Variants in RERG observed in about 807,000 individuals in gnomAD.
RERG encodes ras-related and estrogen-regulated growth inhibitor.
A neutral mutation model predicts 23.2 loss-of-function variants in RERG; 25 were observed. The observed-to-expected ratio is 1.08, with a 90% CI of 0.79 to 1.50. The LOEUF (loss-of-function observed/expected upper bound fraction) is 1.50. Ranked by LOEUF, RERG falls within the 40% of genes most tolerant of loss-of-function variation. The pLI is 0.00. For missense variants in RERG, 253 were observed against 250.1 expected (o/e 1.01, Z -0.08); for synonymous variants, 81 against 89.1 (o/e 0.91, Z 0.51).
chr12:15,190,833 T>A (rs1865060598), intron 2 of RERG, among the ~76,000 whole-genome samples: 1 of 152,164 alleles, frequency 6.6e-6, no homozygotes. Flanking sequence ...TCAGAAGTCC[T>A]TTGCTCAGCA....
intron 2 of RERG, among the ~76,000 whole-genome samples, chr12:15,149,967 C>T (rs1365410292): frequency 6.6e-6 from 1 of 152,144 alleles, no homozygotes; most frequent in Non-Finnish European, 1.5e-5. Context: ...GAGTTACAAC[C>T]CACTGAGATG....
intron 2 of RERG, among the ~76,000 whole-genome samples, chr12:15,152,621 A>G (rs1250571158): frequency 1.3e-5 from 2 of 152,214 alleles, no homozygotes; most frequent in Non-Finnish European, 2.9e-5. Flanking sequence ...AAACTGGACA[A>G]GGATAACTTG....
intron 2 of RERG, among the ~76,000 whole-genome samples, chr12:15,151,577 T>A (rs904496917): frequency 6.6e-6 from 1 of 152,162 alleles, no homozygotes; most frequent in African/African-American, 2.4e-5. Context: ...ACACTATTCA[T>A]CTTGAGATGG....
chr12:15,192,093 T>C (rs1390663795), intron 2 of RERG, among the ~76,000 whole-genome samples: 2 of 152,168 alleles, frequency 1.3e-5, no homozygotes, highest in Non-Finnish European at 1.5e-5. Context: ...TGGGAGGTGT[T>C]TGGATCATGG....
chr12:15,181,501 A>G (rs947988714), intron 2 of RERG, among the ~76,000 whole-genome samples: 1 of 152,172 alleles, frequency 6.6e-6, no homozygotes. Flanking sequence ...TAGGTTTCAA[A>G]TCCTGGCCCT....
chr12:15,212,854 C>T (rs1374658119), intron 2 of RERG, among the ~76,000 whole-genome samples: 1 of 151,848 alleles, frequency 6.6e-6, no homozygotes. Context: ...TAGAATAGTC[C>T]CTGTCCCACT....
At chr12:15,137,754 T>C (rs1864168294) in intron 2 of RERG, 1 of 370,508 alleles carries the variant, frequency 2.7e-6, no homozygotes, top group African/African-American at 2.1e-5. Flanking sequence ...AAATACATTG[T>C]TTCCTTTACT....
At chr12:15,192,864 T>C (rs1865090507) in intron 2 of RERG, among the ~76,000 whole-genome samples, 1 of 152,194 alleles carries the variant, frequency 6.6e-6, no homozygotes, top group Non-Finnish European at 1.5e-5. Flanking sequence ...ATAATGAGGA[T>C]AAGCATTATT....
rs756150671 is a variant in RERG, at chr12:15,111,410, G to A, written c.126C>T (p.Thr42=). The change falls in exon 4 of 5, where the codon ACC becomes ACT. Residue 42 remains threonine, a synonymous_variant. Coordinates refer to ENST00000256953, the MANE Select transcript of RERG (RefSeq NM_032918.3). ...IWEYDPTLES[T]YRHQATIDDE... ...CATCGATGGTTGCTTGGTGTCGGTA[G>A]GTTGATTCTAAGGGAATGAGCAAAT... is the stretch of plus-strand genomic sequence containing the variant. 2 of 1,612,326 alleles carry A rather than the reference G, an allele frequency of 1.2e-6. No homozygotes were observed. Among genetic ancestry groups the A allele is most frequent in the Non-Finnish European group, 1.7e-6 (2 of 1,178,826 alleles).
chr12:15,211,643 GTA>G (rs994931374), intron 2 of RERG, among the ~76,000 whole-genome samples: 3 of 152,100 alleles, frequency 2.0e-5, no homozygotes, highest in African/African-American at 7.2e-5. Flanking sequence ...TCACAATAAT[GTA>G]TTGTGCACTT....
At chr12:15,188,574 C>T (rs1865024897) in intron 2 of RERG, among the ~76,000 whole-genome samples, 4 of 151,860 alleles carry the variant, frequency 2.6e-5, no homozygotes, top group Admixed American at 2.6e-4. Context: ...CCCTGAACTC[C>T]AGAAATAAAG....
At position 15,199,043 on chromosome 12, in the gene RERG, T is replaced by A. The variant is rs910977631; in HGVS notation, c.61+18386A>T. On this transcript the variant is annotated intron_variant, in intron 2 of 4. Coordinates refer to ENST00000256953, the MANE Select transcript of RERG (RefSeq NM_032918.3). Reference sequence around the variant, plus strand: ...TCTCTGGAGGTCATTATTCTGCCTATCACAGTCTTCTCTCTGGTCCCTAAA... The same window carrying A: ...TCTCTGGAGGTCATTATTCTGCCTAACACAGTCTTCTCTCTGGTCCCTAAA... Among the ~76,000 whole-genome samples, 4 of 152,170 alleles carry A rather than the reference T, an allele frequency of 2.6e-5. No homozygotes were observed. In the East Asian group the frequency reaches 7.7e-4, roughly 29 times the overall value.
chr12:15,159,245 G>GAT (rs1864568895), intron 2 of RERG, among the ~76,000 whole-genome samples: 1 of 152,150 alleles, frequency 6.6e-6, no homozygotes, highest in Non-Finnish European at 1.5e-5. Flanking sequence ...AGTCACCAGG[G>GAT]AGAGTCCTTT....
At chr12:15,116,821 GTGTT>G (rs1354441550) in intron 3 of RERG, among the ~76,000 whole-genome samples, 6 of 152,176 alleles carry the variant, frequency 3.9e-5, no homozygotes, top group Non-Finnish European at 7.3e-5. Context: ...AAATGTGTAT[GTGTT>G]TGTTTGGTGG....
At chr12:15,182,353 C>T (rs551005365) in intron 2 of RERG, among the ~76,000 whole-genome samples, 8 of 152,056 alleles carry the variant, frequency 5.3e-5, no homozygotes, top group African/African-American at 1.2e-4. Flanking sequence ...CCACCGTGCC[C>T]GGCCCTATAA....
intron 2 of RERG, among the ~76,000 whole-genome samples, chr12:15,129,325 T>A (rs1159862516): frequency 6.6e-6 from 1 of 150,860 alleles, no homozygotes; most frequent in African/African-American, 2.4e-5. Context: ...AAATGTCAGA[T>A]CTTTAAAAAA....
At chr12:15,143,078 C>T (rs934134675) in intron 2 of RERG, among the ~76,000 whole-genome samples, 1 of 152,158 alleles carries the variant, frequency 6.6e-6, no homozygotes, top group African/African-American at 2.4e-5. Flanking sequence ...GTCTGAAGCT[C>T]TGCTGGAGGA....
At chr12:15,110,395 G>T (rs190549722) in intron 4 of RERG, among the ~76,000 whole-genome samples, 423 of 150,352 alleles carry the variant, frequency 2.8e-3, no homozygotes, top group Non-Finnish European at 4.3e-3. Context: ...TCTTTTTGGG[G>T]GTCACAGGTA....
intron 2 of RERG, among the ~76,000 whole-genome samples, chr12:15,212,539 C>G (rs898606440): frequency 3.3e-5 from 5 of 152,080 alleles, no homozygotes; most frequent in Non-Finnish European, 7.4e-5. Flanking sequence ...TTACACATCC[C>G]AAACCCCCTA....
Sources: allele counts gnomAD v4.1 joint callset (sites outside exome capture counted in the v4.1 genomes callset), GRCh38; gene constraint gnomAD v4.1.1; transcripts MANE v1.5; gene names NCBI Gene and HGNC (gene_info 2026-07-23, HGNC 2026-07-21).